Variants in MRPS10 observed in about 807,000 individuals in gnomAD.
MRPS10 encodes mitochondrial ribosomal protein S10, also known as small ribosomal subunit protein uS10m.
Under a neutral mutation model 27.5 loss-of-function variants are expected in MRPS10, and 23 were observed. The observed-to-expected ratio is 0.84, with a 90% CI of 0.60 to 1.18. The LOEUF (loss-of-function observed/expected upper bound fraction) is 1.18, where lower values mean the gene tolerates loss of function less well. Among genes scored for constraint, MRPS10 ranks in the 50% most tolerant of loss-of-function variants. The pLI, the probability that MRPS10 is intolerant of heterozygous loss-of-function variation, is 0.00. For synonymous variants in MRPS10, 88 were observed against 84.2 expected, an observed-to-expected ratio of 1.04 and a Z score of -0.25; for missense variants, 237 against 240.1, an observed-to-expected ratio of 0.99 and a Z score of 0.09.
At chr6:42,214,457 G>A in intron 1 of MRPS10, 113 bp from the exon 2 acceptor site, 1 of 705,588 alleles carries the variant, frequency 1.4e-6, no homozygotes, top group Admixed American at 3.4e-5. Context: ...AAGATACTGG[G>A]GTAACTAAAA....
In MRPS10 at chr6:42,212,039, A is replaced by G. The variant is rs767024420; in HGVS notation, c.187-122T>C. The G allele has an allele frequency of 1.1e-3, 874 of 808,880 alleles. 6 individuals carry two copies. Among genetic ancestry groups the G allele is most frequent in the Admixed American group, 1.9e-3 (70 of 37,298 alleles). The allele number at this position is 808,880 out of a possible 1,614,324, so 50.1% of individuals were successfully genotyped here. A position where few individuals can be genotyped will look rare whatever the true frequency, so the allele number is the denominator to read the frequency against. On this transcript the variant is annotated intron_variant, in intron 3 of 6. Transcript: ENST00000053468. ...CTAATAAATGAGGAGAAAAACACTG[A>G]GTGACGGCAGTGTTAGCTGAAGTGT...
chr6:42,216,026 C>CTTTTTTTTTTTTTTTTTTT (rs34985131), intron 1 of MRPS10, among the ~76,000 whole-genome samples: 1 of 56,976 alleles, frequency 1.8e-5, no homozygotes, highest in Non-Finnish European at 4.1e-5. Context: ...TTTTTCTTTT[C>CTTTTTTTTTTTTTTTTTTT]TTTTTTTTTT....
Position 42,214,156 on chromosome 6 carries a change from T to C in MRPS10, c.150A>G (p.Leu50=). The change falls in exon 3 of 7, where the codon CTA becomes CTG. Residue 50 remains leucine, a synonymous_variant. Transcript: ENST00000053468. ...TNMKWVQFSN[L]HVDVPKDLTK... ...TCAAATCCTTTGGAACATCAACGTG[T>C]AGGTTTGAAAACTGTACCCACTTCA... The C allele has an allele frequency of 1.2e-6, 2 of 1,613,356 alleles. No individual in the cohort carries two copies. Among genetic ancestry groups the C allele is most frequent in the Non-Finnish European group, 1.7e-6 (2 of 1,179,690 alleles).
chr6:42,212,037 T>G (rs997302493), intron 3 of MRPS10, 120 bp from the exon 4 acceptor site: 2 of 862,982 alleles, frequency 2.3e-6, no homozygotes, highest in African/African-American at 1.7e-5. Flanking sequence ...AGAAAAACAC[T>G]GAGTGACGGC....
At chr6:42,208,412 CAG>C in intron 6 of MRPS10, 40 bp from the exon 7 acceptor site, 1 of 1,424,980 alleles carries the variant, frequency 7.0e-7, no homozygotes, top group Non-Finnish European at 9.7e-7. Flanking sequence ...GTGGATTTAA[CAG>C]AACTCTTTGA....
At position 42,207,592 on chromosome 6, in the gene MRPS10, G is replaced by C. The variant is rs1161010137; in HGVS notation, c.*697C>G. On this transcript the variant is annotated 3_prime_UTR_variant, in exon 7 of 7. Transcript: ENST00000053468. ...ACTTAACTACAGTGCTGGATGTAAA[G>C]TTTATGCAGTAAAAGCTTATTGAAT... The C allele has an allele frequency of 6.6e-6, 1 of 152,188 alleles. No homozygotes were observed. Among genetic ancestry groups the C allele is most frequent in the Non-Finnish European group, 1.5e-5 (1 of 68,052 alleles). The allele number at this position is 152,188 out of a possible 1,614,324, so 9.4% of individuals were successfully genotyped here. A position where few individuals can be genotyped will look rare whatever the true frequency, so the allele number is the denominator to read the frequency against.
intron 1 of MRPS10, among the ~76,000 whole-genome samples, chr6:42,216,385 A>AGAGAGAGAGAGAGAGAGAGAGAGAGTGT: frequency 1.0e-4 from 6 of 58,698 alleles, no homozygotes; most frequent in South Asian, 9.2e-4. Flanking sequence ...AGAGAGAGAG[A>AGAGAGAGAGAGAGAGAGAGAGAGAGTGT]GTGTGTGTGT....
In MRPS10 at chr6:42,216,385, A is replaced by AGAGAGAGAGAGAGAGAGAGAGAGTGTGT; in HGVS notation, c.48+1416_48+1417insACACACTCTCTCTCTCTCTCTCTCTCTC. Among the ~76,000 whole-genome samples, 34 of 58,688 alleles carry AGAGAGAGAGAGAGAGAGAGAGAGTGTGT rather than the reference A, an allele frequency of 5.8e-4. 1 individual carries two copies. Among genetic ancestry groups the AGAGAGAGAGAGAGAGAGAGAGAGTGTGT allele is most frequent in the South Asian group, 4.6e-3 (5 of 1,084 alleles). The allele number at this position is 58,688 out of a possible 152,430, so 38.5% of individuals were successfully genotyped here. A position where few individuals can be genotyped will look rare whatever the true frequency, so the allele number is the denominator to read the frequency against. On this transcript the variant is annotated intron_variant, in intron 1 of 6. Transcript: ENST00000053468. ...GAGAGAGAGAGAGAGAGAGAGAGAG[A>AGAGAGAGAGAGAGAGAGAGAGAGTGTGT]GTGTGTGTGTGTGTGTGTGTGTGTG...
intron 1 of MRPS10, among the ~76,000 whole-genome samples, chr6:42,216,414 T>TGTGTGTGTGTGTGTGTGTGTGTG (rs1768943696): frequency 2.3e-5 from 1 of 43,518 alleles, no homozygotes; most frequent in Non-Finnish European, 5.4e-5. Flanking sequence ...GTGTGTGTGT[T>TGTGTGTGTGTGTGTGTGTGTGTG]GGGGGAGTGG....
At chr6:42,211,326 G>C (rs1226254132) in intron 4 of MRPS10, among the ~76,000 whole-genome samples, 1 of 152,188 alleles carries the variant, frequency 6.6e-6, no homozygotes, top group African/African-American at 2.4e-5. Flanking sequence ...GCATGATCCT[G>C]ATTAGGATAA....
intron 5 of MRPS10, among the ~76,000 whole-genome samples, chr6:42,209,973 A>C (rs1292100156): frequency 6.6e-6 from 1 of 152,128 alleles, no homozygotes; most frequent in Non-Finnish European, 1.5e-5. Context: ...TATTATTCCC[A>C]TTTTATAGAT....
At chr6:42,217,314 A>G (rs537899618) in intron 1 of MRPS10, among the ~76,000 whole-genome samples, 1 of 152,350 alleles carries the variant, frequency 6.6e-6, no homozygotes, top group Admixed American at 6.5e-5. Flanking sequence ...ACCGCTGCTG[A>G]AAAGTTTTTG....
At position 42,208,911 on chromosome 6, in the gene MRPS10, A is replaced by G. The variant is rs745962123; in HGVS notation, c.469T>C (p.Leu157=). 6.2e-7 allele frequency: 1 copy of G among 1,612,198 alleles called. No homozygotes were observed. Among genetic ancestry groups the G allele is most frequent in the Non-Finnish European group, 8.5e-7 (1 of 1,178,640 alleles). The change falls in exon 6 of 7, where the codon TTG becomes CTG. Residue 157 remains leucine (L), a synonymous_variant. Coordinates refer to ENST00000053468, the MANE Select transcript of MRPS10 (RefSeq NM_018141.4). ...HLTGSTADVY[L]EYIQRNLPEG... Reference sequence around the variant, plus strand: ...GGTAAGTTTCGCTGAATATATTCCAAGTAGACATCTGCTGTGCTTCCAGTT... The same window carrying G: ...GGTAAGTTTCGCTGAATATATTCCAGGTAGACATCTGCTGTGCTTCCAGTT...
In MRPS10 at chr6:42,208,386, G is replaced by T; in HGVS notation, c.523-14C>A. 6.5e-7 allele frequency: 1 copy of T among 1,542,448 alleles called. No homozygotes were observed. The highest frequency in any genetic ancestry group is 8.9e-7 in the Non-Finnish European group (1 of 1,126,018). ...TTCTAATTGTGTCTAAAAAAAGAAA[G>T]AAACAAAACTATAATGTGGATTTAA... On this transcript the variant is annotated splice_polypyrimidine_tract_variant and intron_variant, in intron 6 of 6. Transcript: ENST00000053468.
chr6:42,209,279 T>C (rs1768702377), intron 5 of MRPS10, among the ~76,000 whole-genome samples: 1 of 152,036 alleles, frequency 6.6e-6, no homozygotes, highest in Admixed American at 6.6e-5. Context: ...ATTACAGGCA[T>C]GAGCTACCGC....
At chr6:42,212,029 A>G (rs1768795894) in intron 3 of MRPS10, 112 bp from the exon 4 acceptor site, 5 of 946,650 alleles carry the variant, frequency 5.3e-6, no homozygotes, top group Middle Eastern at 2.2e-4. Flanking sequence ...AAATGAGGAG[A>G]AAAACACTGA....
chr6:42,212,193 C>T (rs1768800141), intron 3 of MRPS10, among the ~76,000 whole-genome samples: 1 of 152,194 alleles, frequency 6.6e-6, no homozygotes, highest in Non-Finnish European at 1.5e-5. Flanking sequence ...AATAACGATT[C>T]AGCTTCAAAT....
Position 42,208,840 on chromosome 6 carries a change from C to G in MRPS10, c.522+18G>C. ...CTCCCCACCGCCCCACCGAAAGAGG[C>G]AGAAATTCAAGCTATACCTTTGTTA... On this transcript the variant is annotated intron_variant, in intron 6 of 6. Transcript: ENST00000053468. 1 of 1,546,360 alleles carries G rather than the reference C, an allele frequency of 6.5e-7. No homozygotes were observed. Among genetic ancestry groups the G allele is most frequent in the Non-Finnish European group, 8.9e-7 (1 of 1,123,504 alleles).
In MRPS10 at chr6:42,213,240, G is replaced by A. The variant is rs568413968; in HGVS notation, c.186+880C>T. Among the ~76,000 whole-genome samples the A allele has an allele frequency of 1.6e-4, 24 of 152,324 alleles. 1 individual carries two copies. The South Asian group carries it at 5.0e-3, about 32-fold the overall frequency. On this transcript the variant is annotated intron_variant, in intron 3 of 6. Transcript: ENST00000053468. ...GAGGCAGGCAGATCACTTGAGGCCA[G>A]GAATTTGAGACCAGCCTGGCCAACA... is the stretch of plus-strand genomic sequence containing the variant.
Sources: allele counts gnomAD v4.1 joint callset (sites outside exome capture counted in the v4.1 genomes callset), GRCh38; gene constraint gnomAD v4.1.1; transcripts MANE v1.5; gene names NCBI Gene and HGNC (gene_info 2026-07-23, HGNC 2026-07-21).